The following TBRG4 variants were observed in gnomAD, a reference collection of about 807,000 sequenced individuals.
TBRG4 encodes the protein FAST kinase domain-containing protein 4.
Under a neutral mutation model 65.6 loss-of-function variants are expected in TBRG4, and 43 were observed. The ratio of observed to expected loss-of-function variants is 0.66; its 90% CI spans 0.51 to 0.85. The LOEUF (loss-of-function observed/expected upper bound fraction) is 0.85. Ranked by LOEUF, TBRG4 falls within the 40% of genes least tolerant of loss-of-function variation. The pLI is 0.00. For missense variants in TBRG4, 709 were observed against 787.9 expected, an observed-to-expected ratio of 0.90 and a Z score of 1.20; for synonymous variants, 366 against 341.4, an observed-to-expected ratio of 1.07 and a Z score of -0.79.
rs1784919943 is a variant in TBRG4, at chr7:45,105,546, G to A, written c.630C>T (p.His210=). 1.2e-6 allele frequency: 2 copies of A among 1,614,062 alleles called. No homozygotes were observed. Among genetic ancestry groups the A allele is most frequent in the Admixed American group, 3.3e-5 (2 of 60,012 alleles). ...SQELLAELLT[H]LERRWTEIED... ...CAATTTCTGTCCAACGCCTTTCCAGGTGTGTGAGCAGCTCAGCCAGCAGCT... is the reference window on the plus strand; with the variant it reads ...CAATTTCTGTCCAACGCCTTTCCAGATGTGTGAGCAGCTCAGCCAGCAGCT... Residue 210 remains histidine (H), a synonymous_variant, in exon 3 of 11, where the codon CAC becomes CAT. Coordinates refer to ENST00000258770, the MANE Select transcript of TBRG4 (RefSeq NM_004749.4).
rs750781512 is a variant in TBRG4, at chr7:45,102,077, G to A, written c.1322-7C>T. 1.3e-6 allele frequency: 2 copies of A among 1,567,522 alleles called. No homozygotes were observed. The highest frequency in any genetic ancestry group is 2.8e-5 in the African/African-American group (2 of 72,412). On this transcript the variant is annotated splice_region_variant and splice_polypyrimidine_tract_variant and intron_variant, in intron 7 of 10. Transcript: ENST00000258770. ...TCCTTCTGAGACTTGCCCCCTAGGAGACAAGGAGAAAGAAGAGGGAGGTGG... is the reference window on the plus strand; with the variant it reads ...TCCTTCTGAGACTTGCCCCCTAGGAAACAAGGAGAAAGAAGAGGGAGGTGG...
intron 1 of TBRG4, chr7:45,110,919 G>GT (rs1785108254): frequency 6.6e-6 from 1 of 152,098 alleles, no homozygotes. Context: ...GAGAGTCGGA[G>GT]TATTTGCCCA....
chr7:45,106,304 AT>A (rs1784952559), intron 2 of TBRG4: 1 of 301,078 alleles, frequency 3.3e-6, no homozygotes, highest in African/African-American at 2.2e-5. Flanking sequence ...AATGTAGTTG[AT>A]TAAAGAGAGA....
At chr7:45,109,811 T>C (rs6955660) in intron 1 of TBRG4, among the ~76,000 whole-genome samples, 51,667 of 151,498 alleles carry the variant, frequency 0.34, 10,678 homozygotes, top group African/African-American at 0.59. Flanking sequence ...ACCCCATCTT[T>C]ACTAAAAATA....
chr7:45,111,685 T>A lies in TBRG4; in HGVS notation c.-93A>T, dbSNP rs1192313319. The A allele has an allele frequency of 2.3e-6, 3 of 1,289,138 alleles. No homozygotes were observed. The highest frequency in any genetic ancestry group is 3.0e-6 in the Non-Finnish European group (3 of 988,796). 79.9% of individuals were successfully genotyped at this position (1,289,138 alleles called of 1,614,324 possible). On this transcript the variant is annotated 5_prime_UTR_variant, in exon 1 of 11. Transcript: ENST00000258770. ...TGACCTCCATCCGCCGCCCTAACTGTCCCCGGAACCATGAGGTGCGCGGCG... is the reference window on the plus strand; with the variant it reads ...TGACCTCCATCCGCCGCCCTAACTGACCCCGGAACCATGAGGTGCGCGGCG...
rs965021301 is a variant in TBRG4 at position 45,105,851 on chromosome 7, A to T, written c.412-87T>A. Reference sequence around the variant, plus strand: ...AGGCTACCTCTCTGAACCTTGTTTCATGAGCATTTACTACAACTCTTCAGA... The same window carrying T: ...AGGCTACCTCTCTGAACCTTGTTTCTTGAGCATTTACTACAACTCTTCAGA... On this transcript the variant is annotated intron_variant, in intron 2 of 10. Coordinates refer to ENST00000258770, the MANE Select transcript of TBRG4 (RefSeq NM_004749.4). The T allele has an allele frequency of 3.5e-6, 5 of 1,418,496 alleles. No individual in the cohort carries two copies. In the South Asian group the frequency reaches 5.1e-5, roughly 14 times the overall value. The allele number at this position is 1,418,496 out of a possible 1,614,324, so 87.9% of individuals were successfully genotyped here.
intron 7 of TBRG4, 62 bp from the exon 8 acceptor site, chr7:45,102,132 T>G: frequency 6.5e-7 from 1 of 1,539,918 alleles, no homozygotes; most frequent in South Asian, 1.3e-5. Context: ...GAGACCCTGA[T>G]GAGAGGGCAG....
chr7:45,107,230 A>G (rs1784987442), intron 2 of TBRG4: 1 of 152,210 alleles, frequency 6.6e-6, no homozygotes, highest in Non-Finnish European at 1.5e-5. Context: ...AGACACCAAC[A>G]TCCTATGAGA....
intron 6 of TBRG4, 136 bp from the exon 7 acceptor site, chr7:45,102,627 G>T: frequency 8.1e-7 from 1 of 1,232,952 alleles, no homozygotes; most frequent in Non-Finnish European, 1.1e-6. Flanking sequence ...GTAACAAGAG[G>T]CAGAACCCTG....
rs1191727489 is a variant in TBRG4, at chr7:45,111,643, G to C, written c.-51C>G. On this transcript the variant is annotated splice_region_variant and 5_prime_UTR_variant, in exon 1 of 11. Transcript: ENST00000258770. Reference sequence around the variant, plus strand: ...CTTCTCCCCGTGCCACAAGACCTACGCAGCGAGCACCACCGCTGACCTCCA... The same window carrying C: ...CTTCTCCCCGTGCCACAAGACCTACCCAGCGAGCACCACCGCTGACCTCCA... 7.8e-7 allele frequency: 1 copy of C among 1,289,282 alleles called. No individual in the cohort carries two copies. Among genetic ancestry groups the C allele is most frequent in the East Asian group, 5.5e-5 (1 of 18,034 alleles). 79.9% of individuals were successfully genotyped at this position (1,289,282 alleles called of 1,614,324 possible).
In TBRG4 at chr7:45,102,510, T is replaced by A. The variant is rs1266613570; in HGVS notation, c.1177-19A>T. The A allele has an allele frequency of 6.2e-7, 1 of 1,603,812 alleles. No individual in the cohort carries two copies. The highest frequency in any genetic ancestry group is 8.5e-7 in the Non-Finnish European group (1 of 1,178,916). ...CATGTACCTGGGCAAGGATAGAGTG[T>A]GGTGGAGAAAGCAGGCTCTCCTTAG... is the stretch of plus-strand genomic sequence containing the variant. On this transcript the variant is annotated intron_variant, in intron 6 of 10. Transcript: ENST00000258770.
At chr7:45,103,509 T>C (rs2119056) in intron 5 of TBRG4, 66 bp from the exon 6 acceptor site, 615,977 of 1,318,098 alleles carry the variant, frequency 0.47, 149,378 homozygotes, top group African/African-American at 0.74. Flanking sequence ...TCCTCCTGCC[T>C]GGCTCTGAGT....
At chr7:45,104,388 AG>A (rs770576229) in intron 4 of TBRG4, 132 bp from the exon 5 acceptor site, 2 of 1,572,120 alleles carry the variant, frequency 1.3e-6, no homozygotes, top group East Asian at 2.2e-5. Flanking sequence ...CCTGGGACAC[AG>A]GAACAGGGCC....
chr7:45,101,394 T>C (rs1237247774), intron 9 of TBRG4, 22 bp from the exon 10 acceptor site: 3 of 1,612,554 alleles, frequency 1.9e-6, no homozygotes, highest in Non-Finnish European at 2.5e-6. Flanking sequence ...AAGAGGTGGC[T>C]GACATGCTTC....
intron 10 of TBRG4, 38 bp from the exon 11 acceptor site, chr7:45,100,464 G>C (rs376146022): frequency 2.7e-5 from 41 of 1,546,650 alleles, no homozygotes; most frequent in Non-Finnish European, 3.6e-5. Context: ...CATGGGCAAG[G>C]AGATCCCTTC....
At chr7:45,103,875 A>T in intron 5 of TBRG4, 1 of 631,670 alleles carries the variant, frequency 1.6e-6, no homozygotes, top group Non-Finnish European at 2.6e-6. Context: ...AAATGGATGG[A>T]AGCACTTATA....
intron 2 of TBRG4, among the ~76,000 whole-genome samples, chr7:45,108,586 T>C (rs570565350): frequency 6.6e-6 from 1 of 152,400 alleles, no homozygotes; most frequent in African/African-American, 2.4e-5. Flanking sequence ...CCCATGCTTC[T>C]ATCACTATGC....
chr7:45,103,585 C>G (rs779056482), intron 5 of TBRG4, 142 bp from the exon 6 acceptor site: 25 of 663,812 alleles, frequency 3.8e-5, no homozygotes, highest in Non-Finnish European at 6.1e-5. Flanking sequence ...TGAGCTGTGT[C>G]GGGAACAGAG....
intron 9 of TBRG4, 50 bp downstream of exon 9, chr7:45,101,453 A>G (rs529877741): frequency 6.2e-7 from 1 of 1,601,638 alleles, no homozygotes; most frequent in South Asian, 1.1e-5. Context: ...AAGAATATGC[A>G]GTCCAACAGC....
Sources: gnomAD v4.1 joint callset for allele counts (sites outside exome capture counted in the v4.1 genomes callset) on GRCh38, gnomAD v4.1.1 for gene constraint, MANE v1.5 for transcripts, NCBI Gene and HGNC (gene_info 2026-07-23, HGNC 2026-07-21) for gene names.